VAV2: variants seen among roughly 807,000 people sequenced by gnomAD.
The protein encoded by VAV2 is guanine nucleotide exchange factor VAV2.
Under a neutral mutation model 132.5 loss-of-function variants are expected in VAV2, and 67 were observed. The observed-to-expected ratio is 0.51, with a 90% CI of 0.42 to 0.62. The LOEUF (loss-of-function observed/expected upper bound fraction) is 0.62, where lower values mean the gene tolerates loss of function less well. Ranked by LOEUF, VAV2 falls within the 20% of genes least tolerant of loss-of-function variation. The pLI is 0.00. For synonymous variants in VAV2, 492 were observed against 443.5 expected (o/e 1.11, Z -1.37); for missense variants, 938 against 1,153.6 (o/e 0.81, Z 2.71).
At chr9:133,902,214 G>A (rs573805099) in intron 2 of VAV2, among the ~76,000 whole-genome samples, 15 of 152,304 alleles carry the variant, frequency 9.8e-5, no homozygotes, top group Admixed American at 5.9e-4. Flanking sequence ...GGATAGGAAC[G>A]GGCATCTGCG....
At chr9:133,933,192 C>G (rs558107891) in intron 2 of VAV2, among the ~76,000 whole-genome samples, 7 of 152,318 alleles carry the variant, frequency 4.6e-5, no homozygotes, top group African/African-American at 1.7e-4. Context: ...CTCCAGTGTC[C>G]AAGGCTGATT....
chr9:133,783,065 G>C (rs749780710), intron 19 of VAV2, among the ~76,000 whole-genome samples: 2 of 152,220 alleles, frequency 1.3e-5, no homozygotes, highest in Non-Finnish European at 2.9e-5. Flanking sequence ...ATGTGTGTGT[G>C]TGTCTGAACC....
rs1842998581 is a variant in VAV2, at chr9:133,991,030, A to G, written c.204+1045T>C. The stretch of plus-strand genomic sequence containing the variant: ...GCTGCCCAGCCTGGAATCGCTGGTG[A>G]CTCACTCTCCCTCCTTCCCAGGAAC... On this transcript the variant is annotated intron_variant, in intron 1 of 29. Coordinates refer to ENST00000371850, the MANE Select transcript of VAV2 (RefSeq NM_001134398.2). This position sits in a 1 kb window ranked among gnomAD's most constrained non-coding sequence, Gnocchi z 4.8. 6.6e-6 allele frequency among the ~76,000 whole-genome samples: 1 copy of G among 151,940 alleles called. No homozygotes were observed. Among genetic ancestry groups the G allele is most frequent in the African/African-American group, 2.4e-5 (1 of 41,360 alleles).
intron 2 of VAV2, among the ~76,000 whole-genome samples, chr9:133,873,332 C>T (rs1195812845): frequency 2.6e-5 from 4 of 152,072 alleles, no homozygotes; most frequent in Non-Finnish European, 2.9e-5. Flanking sequence ...CTCTGGGCCT[C>T]GGTTTCCCTG....
At chr9:133,765,074 A>G (rs1020570921) in intron 29 of VAV2, among the ~76,000 whole-genome samples, 2 of 152,250 alleles carry the variant, frequency 1.3e-5, no homozygotes, top group African/African-American at 4.8e-5. Flanking sequence ...GGGGACGATG[A>G]ATAAGTACAG....
intron 5 of VAV2, among the ~76,000 whole-genome samples, chr9:133,810,608 C>G (rs115738707): frequency 1.3e-5 from 2 of 152,124 alleles, no homozygotes; most frequent in African/African-American, 4.8e-5. Flanking sequence ...CTGGACAGCT[C>G]GAGACCAGCG....
At chr9:133,964,595 C>G (rs1364607153) in intron 1 of VAV2, among the ~76,000 whole-genome samples, 1 of 151,990 alleles carries the variant, frequency 6.6e-6, no homozygotes, top group Non-Finnish European at 1.5e-5. Context: ...AAACCAAATC[C>G]AACAACACAA....
At chr9:133,770,267 A>G (rs55642490) in intron 27 of VAV2, 111 bp downstream of exon 27, 73,291 of 1,520,272 alleles carry the variant, frequency 0.048, 5,007 homozygotes, top group African/African-American at 0.33. Flanking sequence ...TGTGTTCCCC[A>G]GGGTGGGACT....
At chr9:133,862,998 C>T (rs866449780) in intron 2 of VAV2, among the ~76,000 whole-genome samples, 1 of 152,176 alleles carries the variant, frequency 6.6e-6, no homozygotes, top group Non-Finnish European at 1.5e-5. Flanking sequence ...AGGACAGGGT[C>T]CTTCTGTGCT....
chr9:133,812,041 T>C (rs1363771071), intron 5 of VAV2, 73 bp downstream of exon 5: 2 of 1,475,102 alleles, frequency 1.4e-6, no homozygotes, highest in Non-Finnish European at 1.9e-6. Flanking sequence ...AGCTCGGTAT[T>C]GTGTTAAGCA....
At chr9:133,942,468 T>C (rs898196343) in intron 1 of VAV2, among the ~76,000 whole-genome samples, 1 of 152,276 alleles carries the variant, frequency 6.6e-6, no homozygotes, top group Non-Finnish European at 1.5e-5. Flanking sequence ...CCCCAGACAC[T>C]GGAGCTGGGA....
chr9:133,883,671 G>A lies in VAV2; in HGVS notation c.322-22239C>T, dbSNP rs1838589649. On this transcript the variant is annotated intron_variant, in intron 2 of 29. Coordinates refer to ENST00000371850, the MANE Select transcript of VAV2 (RefSeq NM_001134398.2). This position sits in a 1 kb window ranked among gnomAD's most constrained non-coding sequence, Gnocchi z 4.2. ...AGGCACTGGACCTGGGGAGGCTTCC[G>A]GTCACCTGTGCAATGCCACCAGCAG... 1.3e-5 allele frequency among the ~76,000 whole-genome samples: 2 copies of A among 152,146 alleles called. No individual in the cohort carries two copies. Among genetic ancestry groups the A allele is most frequent in the African/African-American group, 4.8e-5 (2 of 41,426 alleles).
chr9:133,801,425 T>C (rs1440666689), intron 9 of VAV2, among the ~76,000 whole-genome samples: 3 of 152,202 alleles, frequency 2.0e-5, no homozygotes, highest in Non-Finnish European at 4.4e-5. Flanking sequence ...CGAATGCACA[T>C]GGCTCTCAAC....
intron 1 of VAV2, among the ~76,000 whole-genome samples, chr9:133,942,071 A>G (rs1470746961): frequency 6.6e-6 from 1 of 152,230 alleles, no homozygotes; most frequent in African/African-American, 2.4e-5. Flanking sequence ...CTTGCCAACA[A>G]AGTGAATGTG....
chr9:133,790,872 C>G (rs7032391), intron 13 of VAV2, among the ~76,000 whole-genome samples: 75,394 of 151,902 alleles, frequency 0.5, 18,890 homozygotes, highest in South Asian at 0.56. Context: ...AGCTTCATGT[C>G]AGTGAAATCA....
intron 2 of VAV2, among the ~76,000 whole-genome samples, chr9:133,862,048 C>CA (rs1429715490): frequency 1.3e-5 from 2 of 152,246 alleles, no homozygotes; most frequent in Non-Finnish European, 2.9e-5. Flanking sequence ...TGCACAGTGG[C>CA]ATGACGGGAT....
At chr9:133,775,089 G>A (rs372773521) in intron 24 of VAV2, 38 bp from the exon 25 acceptor site, 238 of 1,550,614 alleles carry the variant, frequency 1.5e-4, no homozygotes, top group Admixed American at 2.5e-4. Flanking sequence ...GAGCCGCAGT[G>A]AGGACAGTGT....
At chr9:133,976,345 C>T (rs2132274183) in intron 1 of VAV2, among the ~76,000 whole-genome samples, 1 of 152,282 alleles carries the variant, frequency 6.6e-6, no homozygotes, top group East Asian at 1.9e-4. Flanking sequence ...GACTCTGGGA[C>T]CAGCATCCTC....
chr9:133,812,257 C>T lies in VAV2; in HGVS notation c.450-41G>A, dbSNP rs779391378. 56 of 1,596,532 alleles carry T rather than the reference C, an allele frequency of 3.5e-5. No individual in the cohort carries two copies. In the South Asian group the frequency reaches 4.5e-4, roughly 13 times the overall value. Reference sequence around the variant, plus strand: ...CGGGTTAGAGGGGAGGGGAGGCTCCCGCCACCCTGACCGGGGAGCCGCAGA... The same window carrying T: ...CGGGTTAGAGGGGAGGGGAGGCTCCTGCCACCCTGACCGGGGAGCCGCAGA... On this transcript the variant is annotated intron_variant, in intron 4 of 29. Coordinates refer to ENST00000371850, the MANE Select transcript of VAV2 (RefSeq NM_001134398.2).
Sources: gnomAD v4.1 joint callset for allele counts (sites outside exome capture counted in the v4.1 genomes callset) on GRCh38, gnomAD v4.1.1 for gene constraint, Gnocchi (gnomAD v3.1) non-coding constraint, MANE v1.5 for transcripts, NCBI Gene and HGNC (gene_info 2026-07-23, HGNC 2026-07-21) for gene names.